The following LCLAT1 variants were observed in gnomAD, a reference collection of about 807,000 sequenced individuals.
The protein encoded by LCLAT1 is 1-AGP acyltransferase 8.
A neutral mutation model predicts 30.7 loss-of-function variants in LCLAT1; 11 were observed. That is an observed-to-expected ratio of 0.36 (90% CI 0.23 to 0.59). LCLAT1 has a LOEUF of 0.59. Among genes scored for constraint, LCLAT1 ranks in the 20% least tolerant of loss-of-function variants. The probability of loss-of-function intolerance (pLI) is 0.77; values close to 1 mark genes in which losing one functional copy is unlikely to be tolerated. For missense variants in LCLAT1, 402 were observed against 458.6 expected (o/e 0.88, Z 1.13); for synonymous variants, 155 against 151.3 (o/e 1.02, Z -0.18).
intron 1 of LCLAT1, among the ~76,000 whole-genome samples, chr2:30,512,211 GAC>G (rs1293044641): frequency 1.3e-5 from 2 of 151,908 alleles, no homozygotes; most frequent in Non-Finnish European, 2.9e-5. Flanking sequence ...TTTATTTCAT[GAC>G]ACATTTGTTT....
At chr2:30,553,875 A>G (rs578190573) in intron 3 of LCLAT1, among the ~76,000 whole-genome samples, 24 of 152,360 alleles carry the variant, frequency 1.6e-4, no homozygotes, top group African/African-American at 5.8e-4. Context: ...AGGTTGCGCT[A>G]TCATTAGCTC....
intron 5 of LCLAT1, among the ~76,000 whole-genome samples, chr2:30,632,488 G>T (rs1394577168): frequency 6.6e-6 from 1 of 152,212 alleles, no homozygotes; most frequent in Non-Finnish European, 1.5e-5. Context: ...GAGAGGAGTG[G>T]ACTGCATGTT....
chr2:30,624,333 A>G (rs1668405094), intron 5 of LCLAT1, among the ~76,000 whole-genome samples: 1 of 152,222 alleles, frequency 6.6e-6, no homozygotes, highest in South Asian at 2.1e-4. Context: ...GGCAGAATGG[A>G]TAACAATTCA....
At chr2:30,499,368 G>C (rs896543642) in intron 1 of LCLAT1, among the ~76,000 whole-genome samples, 5 of 152,166 alleles carry the variant, frequency 3.3e-5, no homozygotes, top group Non-Finnish European at 7.3e-5. Flanking sequence ...TTTTAGTAGA[G>C]ACAGGGTTTC....
rs760622200 is a variant in LCLAT1, at chr2:30,461,770, C to CCTTTTTT, written c.-5+14387_-5+14388insCTTTTTT. ...TGTGGACCACTTTTTCTAAATTAAACTTTTTTTTTTTTTTTTTTGAGACGG... is the reference window on the plus strand; with the variant it reads ...TGTGGACCACTTTTTCTAAATTAAACCTTTTTTTTTTTTTTTTTTTTTTTTGAGACGG... On this transcript the variant is annotated intron_variant, in intron 1 of 5. Coordinates refer to ENST00000379509, the MANE Select transcript of LCLAT1 (RefSeq NM_001002257.3). 2.2e-3 allele frequency among the ~76,000 whole-genome samples: 293 copies of CCTTTTTT among 131,690 alleles called. 20 individuals carry two copies. The highest frequency in any genetic ancestry group is 3.0e-3 in the African/African-American group (110 of 36,540). The allele number at this position is 131,690 out of a possible 152,430, so 86.4% of individuals were successfully genotyped here.
intron 5 of LCLAT1, among the ~76,000 whole-genome samples, chr2:30,580,883 A>G (rs1444610237): frequency 6.6e-6 from 1 of 152,146 alleles, no homozygotes; most frequent in African/African-American, 2.4e-5. Flanking sequence ...GCAGTTTACT[A>G]CTTGTTCTAA....
intron 1 of LCLAT1, among the ~76,000 whole-genome samples, chr2:30,521,492 CTTTTTTTTTTTTTTTTTT>C (rs869093721): frequency 1.2e-4 from 2 of 16,816 alleles, no homozygotes; most frequent in Non-Finnish European, 2.2e-4. Flanking sequence ...ACTACTTCTT[CTTTTTTTTTTTTTTTTTT>C]TTTTTTTTTT....
At chr2:30,487,119 T>G (rs899278500) in intron 1 of LCLAT1, among the ~76,000 whole-genome samples, 2 of 152,224 alleles carry the variant, frequency 1.3e-5, no homozygotes, top group Admixed American at 1.3e-4. Flanking sequence ...GCATTTAATT[T>G]GTACATGTCT....
intron 5 of LCLAT1, among the ~76,000 whole-genome samples, chr2:30,601,116 T>C (rs902927855): frequency 9.2e-5 from 14 of 152,340 alleles, no homozygotes; most frequent in African/African-American, 3.4e-4. Context: ...GTTTGTGTGT[T>C]GTGCTTTTCA....
At chr2:30,631,994 C>G (rs1451861507) in intron 5 of LCLAT1, among the ~76,000 whole-genome samples, 4 of 152,132 alleles carry the variant, frequency 2.6e-5, no homozygotes, top group Admixed American at 6.5e-5. Context: ...GAAAATTAAA[C>G]TTGTTTTGAA....
chr2:30,562,443 G>A, intron 4 of LCLAT1, 151 bp downstream of exon 4: 1 of 562,232 alleles, frequency 1.8e-6, no homozygotes, highest in Non-Finnish European at 3.0e-6. Flanking sequence ...GGCTGAGACT[G>A]GAAGATGGAT....
intron 1 of LCLAT1, among the ~76,000 whole-genome samples, chr2:30,449,118 A>T (rs1347309993): frequency 6.6e-6 from 1 of 152,152 alleles, no homozygotes. Flanking sequence ...AAGTTTAAGT[A>T]ATTTGTCCAT....
At position 30,565,865 on chromosome 2, in the gene LCLAT1, A is replaced by G. The variant is rs76482420; in HGVS notation, c.512-2195A>G. The stretch of plus-strand genomic sequence containing the variant: ...AAGCCTCTCTGTTAAGTTTCTGTTT[A>G]AGTAGGGACTAAATGAACAAAGCAG... On this transcript the variant is annotated intron_variant, in intron 4 of 5. Transcript: ENST00000379509. Among the ~76,000 whole-genome samples the G allele has an allele frequency of 6.9e-3, 1,057 of 152,260 alleles. 11 individuals are homozygous for G. Among genetic ancestry groups the G allele is most frequent in the African/African-American group, 0.024 (1,003 of 41,550 alleles).
At chr2:30,607,126 C>T (rs145579991) in intron 5 of LCLAT1, 67 of 152,226 alleles carry the variant, frequency 4.4e-4, no homozygotes, top group African/African-American at 1.4e-3. Context: ...AATGCTTTTA[C>T]ATTGTTGGTG....
intron 5 of LCLAT1, among the ~76,000 whole-genome samples, chr2:30,627,451 G>A (rs1193124375): frequency 1.3e-5 from 2 of 152,150 alleles, no homozygotes; most frequent in Non-Finnish European, 2.9e-5. Context: ...AGGTGCATGA[G>A]CCATGCAGTT....
chr2:30,549,792 T>C (rs1664598224), intron 3 of LCLAT1, among the ~76,000 whole-genome samples: 1 of 152,214 alleles, frequency 6.6e-6, no homozygotes, highest in South Asian at 2.1e-4. Flanking sequence ...CTGTTGTATT[T>C]ATTATATATG....
intron 1 of LCLAT1, among the ~76,000 whole-genome samples, chr2:30,452,019 A>G (rs189179827): frequency 1.3e-5 from 2 of 152,378 alleles, no homozygotes; most frequent in East Asian, 3.9e-4. Flanking sequence ...GAAGTCACAA[A>G]GAAGTACAAT....
chr2:30,519,534 G>A (rs200210485), intron 1 of LCLAT1, among the ~76,000 whole-genome samples: 6 of 152,152 alleles, frequency 3.9e-5, no homozygotes, highest in African/African-American at 7.2e-5. Flanking sequence ...TTCCTAGGCC[G>A]ACTAAGAATT....
intron 5 of LCLAT1, among the ~76,000 whole-genome samples, chr2:30,617,966 T>G (rs1337762297): frequency 6.6e-6 from 1 of 152,164 alleles, no homozygotes; most frequent in African/African-American, 2.4e-5. Context: ...TAATACTGTC[T>G]TATGAAGAGT....
Sources: allele counts gnomAD v4.1 joint callset (sites outside exome capture counted in the v4.1 genomes callset), GRCh38; gene constraint gnomAD v4.1.1; transcripts MANE v1.5; gene names NCBI Gene and HGNC (gene_info 2026-07-23, HGNC 2026-07-21).